The following PSG3 variants were observed in gnomAD, a reference collection of about 807,000 sequenced individuals.
PSG3 encodes the protein pregnancy-specific beta-1-glycoprotein 3.
In PSG3, 61 loss-of-function variants were observed where a neutral mutation model predicts 47.5. The observed-to-expected ratio is 1.28, with a 90% CI of 1.05 to 1.59. The LOEUF is 1.59. Among genes scored for constraint, PSG3 ranks in the 40% most tolerant of loss-of-function variants. PSG3 has a pLI of 0.00. For synonymous variants in PSG3, 263 were observed against 198.4 expected, an observed-to-expected ratio of 1.33 and a Z score of -2.74; for missense variants, 756 against 524.0, an observed-to-expected ratio of 1.44 and a Z score of -4.32.
chr19:42,734,819 A>G (rs1352044737), intron 2 of PSG3, among the ~76,000 whole-genome samples: 1 of 152,260 alleles, frequency 6.6e-6, no homozygotes, highest in Non-Finnish European at 1.5e-5. Flanking sequence ...TAGTAAATAT[A>G]GAAAGAACCT....
intron 2 of PSG3, among the ~76,000 whole-genome samples, chr19:42,737,262 C>T (rs549069694): frequency 2.1e-4 from 32 of 152,276 alleles, no homozygotes; most frequent in African/African-American, 7.2e-4. Context: ...GGACAAGGGA[C>T]AGGTGTGGCT....
chr19:42,727,044 C>T (rs1275647734), intron 5 of PSG3, among the ~76,000 whole-genome samples: 1 of 152,156 alleles, frequency 6.6e-6, no homozygotes, highest in Non-Finnish European at 1.5e-5. Context: ...ACCGTTTTCT[C>T]ACCAAATGAT....
At position 42,730,005 on chromosome 19, in the gene PSG3, T is replaced by C; in HGVS notation, c.761A>G (p.Asn254Ser). 5 of 1,612,520 alleles carry C rather than the reference T, an allele frequency of 3.1e-6. No homozygotes were observed. The highest frequency in any genetic ancestry group is 4.2e-6 in the Non-Finnish European group (5 of 1,179,860). The change falls in exon 4 of 7, where the codon AAT becomes AGT. Residue 254 changes from asparagine (N) to serine (S), a missense_variant. Asn to Ser is a conservative substitution (Grantham distance 46). Coordinates refer to ENST00000327495, the MANE Select transcript of PSG3 (RefSeq NM_021016.4). ...ITINNLNPRE[N>S]KDVLAFTCEP... ...ACAGGTGAAGGCTAAGACATCCTTA[T>C]TCTCCCTGGGGTTTAAGTTGTTGAT... is the stretch of plus-strand genomic sequence containing the variant.
rs1019972051 is a variant in PSG3 at position 42,728,784 on chromosome 19, G to A, written c.1243+339C>T. 2.0e-5 allele frequency among the ~76,000 whole-genome samples: 3 copies of A among 152,210 alleles called. No individual in the cohort carries two copies. In the East Asian group the frequency reaches 5.8e-4, roughly 29 times the overall value. ...ATAGGTACAAGAAAACAAAGACGTG[G>A]CAGAAGGGGATGTGTTGGTGACAGC... On this transcript the variant is annotated intron_variant, in intron 5 of 6. Transcript: ENST00000327495.
intron 2 of PSG3, among the ~76,000 whole-genome samples, chr19:42,737,113 G>C (rs1321789732): frequency 6.6e-6 from 1 of 152,084 alleles, no homozygotes; most frequent in East Asian, 1.9e-4. Flanking sequence ...CAGGGACCAG[G>C]TGCCCCCAGT....
intron 5 of PSG3, among the ~76,000 whole-genome samples, chr19:42,724,565 C>G (rs1285755476): frequency 1.3e-5 from 2 of 152,176 alleles, no homozygotes; most frequent in African/African-American, 2.4e-5. Context: ...TTGGAGGATT[C>G]CCCATCAGCC....
At chr19:42,737,506 T>G (rs1483037221) in intron 2 of PSG3, among the ~76,000 whole-genome samples, 3 of 151,910 alleles carry the variant, frequency 2.0e-5, no homozygotes, top group South Asian at 2.1e-4. Flanking sequence ...TCAGTGATGG[T>G]GGTTAAGATC....
chr19:42,733,978 A>T (rs955123545), intron 2 of PSG3: 16 of 152,334 alleles, frequency 1.1e-4, no homozygotes, highest in Non-Finnish European at 1.9e-4. Context: ...ATTTGGGAAG[A>T]AGCCTTGCAG....
At chr19:42,732,497 C>G in intron 3 of PSG3, 2 of 688,756 alleles carry the variant, frequency 2.9e-6, no homozygotes, top group Non-Finnish European at 4.6e-6. Flanking sequence ...GAAGTCCCAG[C>G]CAAATCCCTG....
At position 42,738,959 on chromosome 19, in the gene PSG3, G is replaced by T. The variant is rs751646233; in HGVS notation, c.195C>A (p.Tyr65Ter). 6.2e-7 allele frequency: 1 copy of T among 1,613,948 alleles called. No individual in the cohort carries two copies. The highest frequency in any genetic ancestry group is 8.5e-7 in the Non-Finnish European group (1 of 1,179,984). The change falls in exon 2 of 7, where the codon TAC (tyrosine) becomes TAA (stop). Residue 65 changes from tyrosine (Y) to a stop codon, truncating the protein, a stop_gained. Transcript: ENST00000327495. LOFTEE classifies it high-confidence loss of function. ...CCTTCATTTGCCCTTTGTACCAGAT[G>T]TAGCCAGCAAGATTCTGGGGCAAAT... ...VHNLPQNLAG[Y>*]IWYKGQMKDL...
At chr19:42,724,145 T>G (rs897310699) in intron 5 of PSG3, 120 bp from the exon 6 acceptor site, 28 of 1,426,720 alleles carry the variant, frequency 2.0e-5, no homozygotes, top group Non-Finnish European at 2.7e-5. Context: ...ACTACGTTAT[T>G]TCTGTTGGAA....
rs1256348031 is a variant in PSG3, at chr19:42,733,032, C to T, written c.461G>A (p.Ser154Asn). The change falls in exon 3 of 7, where the codon AGC becomes AAC. Residue 154 changes from serine to asparagine, a missense_variant. Coordinates refer to ENST00000327495, the MANE Select transcript of PSG3 (RefSeq NM_021016.4). ...CATGTCCTCCCTGGGGTATAAGTTG[C>T]TGCTGGAGATGGAGGGCTTGGGAGT... ...LETPKPSISS[S>N]NLYPREDMEA... 6.2e-7 allele frequency: 1 copy of T among 1,614,140 alleles called. No individual in the cohort carries two copies. Among genetic ancestry groups the T allele is most frequent in the Non-Finnish European group, 8.5e-7 (1 of 1,180,020 alleles).
intron 4 of PSG3, 91 bp from the exon 5 acceptor site, chr19:42,729,468 C>A (rs1470796541): frequency 2.6e-6 from 4 of 1,531,740 alleles, no homozygotes; most frequent in East Asian, 2.3e-5. Context: ...CCCTCTGAGC[C>A]AAGACACACC....
At chr19:42,737,625 A>T (rs950834432) in intron 2 of PSG3, among the ~76,000 whole-genome samples, 11 of 152,148 alleles carry the variant, frequency 7.2e-5, no homozygotes, top group African/African-American at 2.7e-4. Flanking sequence ...CACTCCTCTG[A>T]GGTTTGGATG....
intron 5 of PSG3, 49 bp from the exon 6 acceptor site, chr19:42,724,074 C>T (rs369138541): frequency 8.8e-5 from 137 of 1,562,018 alleles, no homozygotes; most frequent in Non-Finnish European, 1.2e-4. Context: ...TGTTATTTTA[C>T]ATGGGGGAGC....
At chr19:42,726,380 A>G (rs574054172) in intron 5 of PSG3, among the ~76,000 whole-genome samples, 1 of 152,378 alleles carries the variant, frequency 6.6e-6, no homozygotes, top group African/African-American at 2.4e-5. Context: ...TTGAACTTAT[A>G]TGTAGAAAAT....
Position 42,731,413 on chromosome 19 carries a change from C to T in PSG3, c.710-1357G>A, listed in dbSNP as rs528341971. On this transcript the variant is annotated intron_variant, in intron 3 of 6. Transcript: ENST00000327495. Reference sequence around the variant, plus strand: ...AGGTGATAAGCCAAAGATATTCTTGCCCTTTTTTTTTCTCTCACCACTTTT... The same window carrying T: ...AGGTGATAAGCCAAAGATATTCTTGTCCTTTTTTTTTCTCTCACCACTTTT... 4.0e-3 allele frequency among the ~76,000 whole-genome samples: 615 copies of T among 152,208 alleles called. 5 individuals are homozygous for T. Among genetic ancestry groups the T allele is most frequent in the Admixed American group, 8.2e-3 (125 of 15,278 alleles).
chr19:42,724,789 G>T (rs769612202), intron 5 of PSG3, among the ~76,000 whole-genome samples: 8 of 151,826 alleles, frequency 5.3e-5, no homozygotes, highest in Non-Finnish European at 1.2e-4. Flanking sequence ...TACCAGGCTT[G>T]ATTCTTTGCA....
At chr19:42,735,528 A>C (rs1167810387) in intron 2 of PSG3, among the ~76,000 whole-genome samples, 2 of 152,050 alleles carry the variant, frequency 1.3e-5, no homozygotes, top group Admixed American at 6.6e-5. Flanking sequence ...CACCACGTCC[A>C]GCTAATTTTT....
Sources: allele counts gnomAD v4.1 joint callset (sites outside exome capture counted in the v4.1 genomes callset), GRCh38; gene constraint gnomAD v4.1.1; transcripts MANE v1.5; gene names NCBI Gene and HGNC (gene_info 2026-07-23, HGNC 2026-07-21).